Variants in ARL5A observed in about 807,000 individuals in gnomAD.
ARL5A encodes ADP-ribosylation factor-like protein 5A.
A neutral mutation model predicts 25.9 loss-of-function variants in ARL5A; 18 were observed. The observed-to-expected ratio is 0.69, with a 90% CI of 0.48 to 1.03. ARL5A has a LOEUF of 1.03. ARL5A is among the 50% of genes least tolerant of loss of function. ARL5A has a pLI of 0.00. For missense variants in ARL5A, 170 were observed against 211.9 expected, an observed-to-expected ratio of 0.80 and a Z score of 1.23; for synonymous variants, 61 against 67.5, an observed-to-expected ratio of 0.90 and a Z score of 0.47.
rs559826564 is a variant in ARL5A, at chr2:151,815,293, T to A, written c.47-94A>T. 4.4e-5 allele frequency: 44 copies of A among 1,007,060 alleles called. No homozygotes were observed. In the African/African-American group the frequency reaches 7.1e-4, roughly 16 times the overall value. The allele number at this position is 1,007,060 out of a possible 1,614,324, so 62.4% of individuals were successfully genotyped here. A position where few individuals can be genotyped will look rare whatever the true frequency, so the allele number is the denominator to read the frequency against. On this transcript the variant is annotated intron_variant, in intron 1 of 5. Transcript: ENST00000295087. The stretch of plus-strand genomic sequence containing the variant: ...ATATACTCTGTATCTCACCCTTCTA[T>A]CTATGGCATAATTCAGTGCATGGCA...
rs534505859 is a variant in ARL5A at position 151,806,693 on chromosome 2, T to C, written c.491+128A>G. The C allele has an allele frequency of 7.6e-4, 687 of 899,736 alleles. 6 individuals carry two copies. In the South Asian group the frequency reaches 0.014, roughly 18 times the overall value. The allele number at this position is 899,736 out of a possible 1,614,324, so 55.7% of individuals were successfully genotyped here. On this transcript the variant is annotated intron_variant, in intron 5 of 5. Coordinates refer to ENST00000295087, the MANE Select transcript of ARL5A (RefSeq NM_012097.4). ...AAAGTCTCTGATTATAGACATGAAC[T>C]ACAGCTTACGTCTGTCCCTTACGAT...
intron 1 of ARL5A, among the ~76,000 whole-genome samples, chr2:151,821,804 T>C (rs1386545261): frequency 6.9e-6 from 1 of 145,392 alleles, no homozygotes; most frequent in Non-Finnish European, 1.5e-5. Flanking sequence ...TTTTTTTTTT[T>C]TTTGAGACGG....
chr2:151,808,094 G>C (rs1318381390), intron 4 of ARL5A, among the ~76,000 whole-genome samples: 3 of 152,078 alleles, frequency 2.0e-5, no homozygotes, highest in Non-Finnish European at 2.9e-5. Flanking sequence ...TTAAGTTTAT[G>C]TACAATTTGA....
intron 1 of ARL5A, among the ~76,000 whole-genome samples, chr2:151,819,664 C>A (rs930040669): frequency 6.6e-6 from 1 of 151,984 alleles, no homozygotes. Context: ...TCAGCCATGT[C>A]CTTAGGACTT....
intron 1 of ARL5A, among the ~76,000 whole-genome samples, chr2:151,823,562 T>C (rs1029126316): frequency 2.0e-4 from 30 of 151,990 alleles, no homozygotes; most frequent in African/African-American, 6.5e-4. Flanking sequence ...TAATGAGAGA[T>C]TGGCTAAAAG....
At chr2:151,812,675 T>TAA (rs1042035905) in intron 3 of ARL5A, among the ~76,000 whole-genome samples, 17 of 152,148 alleles carry the variant, frequency 1.1e-4, no homozygotes, top group African/African-American at 4.1e-4. Context: ...CTAATATATA[T>TAA]AACGCATGTC....
chr2:151,811,201 G>A (rs946173478), intron 4 of ARL5A, among the ~76,000 whole-genome samples: 2 of 152,076 alleles, frequency 1.3e-5, no homozygotes, highest in Non-Finnish European at 2.9e-5. Context: ...AGCCCTGAAA[G>A]GTTGCCTGAA....
intron 3 of ARL5A, among the ~76,000 whole-genome samples, chr2:151,812,900 T>G (rs2099831035): frequency 6.6e-6 from 1 of 152,104 alleles, no homozygotes; most frequent in African/African-American, 2.4e-5. Context: ...TTCAACCAAC[T>G]GAAAGAATAA....
intron 5 of ARL5A, among the ~76,000 whole-genome samples, chr2:151,804,004 A>G (rs1046820089): frequency 1.3e-5 from 2 of 152,208 alleles, no homozygotes; most frequent in African/African-American, 4.8e-5. Flanking sequence ...TGAAATATTT[A>G]AAATTTTCCT....
rs1395272855 is a variant in ARL5A at position 151,800,256 on chromosome 2, A to G, written c.*3020T>C. 6.6e-6 allele frequency: 1 copy of G among 151,990 alleles called. No homozygotes were observed. The highest frequency in any genetic ancestry group is 1.5e-5 in the Non-Finnish European group (1 of 67,992). 9.4% of individuals were successfully genotyped at this position (151,990 alleles called of 1,614,324 possible). On this transcript the variant is annotated 3_prime_UTR_variant, in exon 6 of 6. Coordinates refer to ENST00000295087, the MANE Select transcript of ARL5A (RefSeq NM_012097.4). ...TGGTTGCTGTAGTGACAAGAAATGT[A>G]AAGTGCCTATACAAGAGGGAACAAT...
At chr2:151,823,584 G>T (rs556464001) in intron 1 of ARL5A, among the ~76,000 whole-genome samples, 55 of 152,294 alleles carry the variant, frequency 3.6e-4, no homozygotes, top group Non-Finnish European at 6.8e-4. Context: ...TTATGGGAAT[G>T]TCAAATTTAA....
chr2:151,807,729 C>T (rs1041833588), intron 4 of ARL5A, among the ~76,000 whole-genome samples: 1 of 152,124 alleles, frequency 6.6e-6, no homozygotes, highest in African/African-American at 2.4e-5. Flanking sequence ...GTAATACAGC[C>T]ATCTTGGAGT....
intron 1 of ARL5A, 77 bp from the exon 2 acceptor site, chr2:151,815,276 T>C: frequency 8.6e-7 from 1 of 1,159,502 alleles, no homozygotes. Flanking sequence ...AAATATACTC[T>C]GTATCTCACC....
Position 151,802,604 on chromosome 2 carries a change from CT to C in ARL5A, c.*671del, listed in dbSNP as rs547481913. The C allele has an allele frequency of 4.8e-3, 681 of 141,450 alleles. No homozygotes were observed. Among genetic ancestry groups the C allele is most frequent in the Middle Eastern group, 7.2e-3 (2 of 276 alleles). The allele number at this position is 141,450 out of a possible 1,614,324, so 8.8% of individuals were successfully genotyped here. Reference sequence around the variant, plus strand: ...CACAATGTCATGCTTTTTCCTTTTCCTTTTTTTTTTTTTTAAACAAGCAGCT... The same window carrying C: ...CACAATGTCATGCTTTTTCCTTTTCCTTTTTTTTTTTTTAAACAAGCAGCT... On this transcript the variant is annotated 3_prime_UTR_variant, in exon 6 of 6. Coordinates refer to ENST00000295087, the MANE Select transcript of ARL5A (RefSeq NM_012097.4).
chr2:151,803,651 G>C (rs1350514136), intron 5 of ARL5A, among the ~76,000 whole-genome samples: 1 of 152,094 alleles, frequency 6.6e-6, no homozygotes, highest in Admixed American at 6.5e-5. Context: ...GGGACTACAG[G>C]CGTGTGCCAC....
intron 1 of ARL5A, among the ~76,000 whole-genome samples, chr2:151,820,295 C>T (rs1013731792): frequency 1.3e-5 from 2 of 152,222 alleles, no homozygotes; most frequent in Middle Eastern, 3.4e-3. Context: ...TTAAATCTTT[C>T]TTTAACAGTG....
At chr2:151,806,242 CATCT>C (rs2099830092) in intron 5 of ARL5A, among the ~76,000 whole-genome samples, 1 of 152,176 alleles carries the variant, frequency 6.6e-6, no homozygotes, top group South Asian at 2.1e-4. Flanking sequence ...TCTCTTCCAA[CATCT>C]ATCATTCCAG....
intron 5 of ARL5A, among the ~76,000 whole-genome samples, chr2:151,806,073 C>T (rs2099830066): frequency 6.6e-6 from 1 of 152,190 alleles, no homozygotes; most frequent in Admixed American, 6.5e-5. Flanking sequence ...TTCTGACAAA[C>T]TGGTTGAATG....
At chr2:151,805,006 CTAA>C (rs927640656) in intron 5 of ARL5A, among the ~76,000 whole-genome samples, 1 of 152,098 alleles carries the variant, frequency 6.6e-6, no homozygotes, top group East Asian at 1.9e-4. Context: ...AATATCTATA[CTAA>C]TGATACATTT....
Sources: allele counts gnomAD v4.1 joint callset (sites outside exome capture counted in the v4.1 genomes callset), GRCh38; gene constraint gnomAD v4.1.1; transcripts MANE v1.5; gene names NCBI Gene and HGNC (gene_info 2026-07-23, HGNC 2026-07-21).